The following ZFTRAF1 variants were observed in gnomAD, a reference collection of about 807,000 sequenced individuals.
ZFTRAF1 encodes zinc finger TRAF-type and ring finger containing 1.
the ZFTRAF1 span, chr8:144,457,666 A>T: frequency 1.3e-5 from 2 of 152,190 alleles, no homozygotes; most frequent in East Asian, 3.9e-4. Context: ...CCCTGGGGTT[A>T]AAGGGGAGCT....
chr8:144,453,553 T>C, the ZFTRAF1 span: 1 of 1,182,040 alleles, frequency 8.5e-7, no homozygotes, highest in South Asian at 1.5e-5. Context: ...CCAGGTGTCC[T>C]GAGGGACTCC....
chr8:144,462,322 G>A, the ZFTRAF1 span: 2 of 588,858 alleles, frequency 3.4e-6, no homozygotes, highest in Non-Finnish European at 6.1e-6. Context: ...GGCACACGGT[G>A]CAGCACAGCA....
At chr8:144,455,146 C>G in the ZFTRAF1 span, 1 of 152,200 alleles carries the variant, frequency 6.6e-6, no homozygotes, top group African/African-American at 2.4e-5. Flanking sequence ...GAAACCCCAT[C>G]TCTACTAAAA....
chr8:144,450,533 C>T, the ZFTRAF1 span: 1 of 718,364 alleles, frequency 1.4e-6, no homozygotes, highest in Non-Finnish European at 2.6e-6. Context: ...GGGGCTGATC[C>T]TCACGTCGTC....
the ZFTRAF1 span, chr8:144,450,076 T>TGCCTCTCGGCCTCCTTGCTGC: frequency 2.4e-6 from 1 of 414,092 alleles, no homozygotes; most frequent in African/African-American, 2.0e-5. Flanking sequence ...AGGGTCGCTG[T>TGCCTCTCGGCCTCCTTGCTGC]GCCTCTCGGC....
the ZFTRAF1 span, among the ~76,000 whole-genome samples, chr8:144,458,490 G>A: frequency 6.6e-6 from 1 of 152,190 alleles, no homozygotes; most frequent in Non-Finnish European, 1.5e-5. Flanking sequence ...TGGGGAAGAG[G>A]GGCCCGAAGC....
the ZFTRAF1 span, chr8:144,452,541 C>T: frequency 6.5e-7 from 1 of 1,539,064 alleles, no homozygotes. Flanking sequence ...CCATGGGCAG[C>T]CGATGCGTTT....
At chr8:144,451,994 C>G in the ZFTRAF1 span, 1 of 345,334 alleles carries the variant, frequency 2.9e-6, no homozygotes, top group South Asian at 2.6e-5. Context: ...AGGCCCCTAG[C>G]TCCCAGGCCC....
the ZFTRAF1 span, chr8:144,449,966 A>G: frequency 4.9e-6 from 1 of 204,706 alleles, no homozygotes; most frequent in East Asian, 1.1e-4. Flanking sequence ...GCTATCAGAT[A>G]TTCGGATATC....
the ZFTRAF1 span, among the ~76,000 whole-genome samples, chr8:144,461,746 C>T: frequency 2.0e-5 from 3 of 152,184 alleles, no homozygotes; most frequent in East Asian, 3.9e-4. Context: ...TGGAAATGGA[C>T]CAAGAGAAAG....
chr8:144,462,367 G>GGCCGCCGCC, the ZFTRAF1 span: 14 of 478,756 alleles, frequency 2.9e-5, no homozygotes, highest in South Asian at 1.3e-4. Flanking sequence ...TCCCGCTGCC[G>GGCCGCCGCC]GCCGCCGCCG....
chr8:144,460,059 C>T, the ZFTRAF1 span, among the ~76,000 whole-genome samples: 1 of 152,222 alleles, frequency 6.6e-6, no homozygotes, highest in African/African-American at 2.4e-5. Context: ...GGGAGCAGAG[C>T]AGGCCAGAGC....
the ZFTRAF1 span, chr8:144,455,167 T>C: frequency 6.6e-6 from 1 of 151,986 alleles, no homozygotes; most frequent in East Asian, 1.9e-4. Context: ...ATACAAAAAT[T>C]AGCCATGCAT....
At chr8:144,460,887 A>AC in the ZFTRAF1 span, among the ~76,000 whole-genome samples, 128 of 152,288 alleles carry the variant, frequency 8.4e-4, 1 homozygote, top group African/African-American at 3.0e-3. Flanking sequence ...CCGTCTCAAA[A>AC]AAAAGGAGAG....
At chr8:144,453,513 C>T in the ZFTRAF1 span, 1 of 1,469,164 alleles carries the variant, frequency 6.8e-7, no homozygotes, top group South Asian at 1.3e-5. Context: ...CTCATGCTCG[C>T]ACACACCCGC....
chr8:144,450,170 G>T, the ZFTRAF1 span: 341 of 553,820 alleles, frequency 6.2e-4, 1 homozygote, highest in African/African-American at 5.8e-3. Context: ...GGCGGCCCTC[G>T]GAAGGAGGGG....
At chr8:144,459,575 C>T in the ZFTRAF1 span, among the ~76,000 whole-genome samples, 41 of 152,364 alleles carry the variant, frequency 2.7e-4, no homozygotes, top group Non-Finnish European at 4.4e-4. Context: ...GCCCTGCAGG[C>T]CCAAAGGCTC....
At chr8:144,450,198 G>A in the ZFTRAF1 span, 3 of 580,654 alleles carry the variant, frequency 5.2e-6, no homozygotes, top group Non-Finnish European at 6.2e-6. Flanking sequence ...GGTCGGGGGG[G>A]TGAGCCGGAG....
chr8:144,450,655 C>T, the ZFTRAF1 span: 13 of 717,714 alleles, frequency 1.8e-5, no homozygotes, highest in African/African-American at 5.2e-5. Context: ...GGTTACGCTC[C>T]GAGTCGTTGA....
Sources: allele counts gnomAD v4.1 joint callset (sites outside exome capture counted in the v4.1 genomes callset), GRCh38; gene constraint gnomAD v4.1.1; transcripts MANE v1.5; gene names NCBI Gene and HGNC (gene_info 2026-07-23, HGNC 2026-07-21).